Variants in CACNB2 observed in about 807,000 individuals in gnomAD.
CACNB2 encodes the protein calcium voltage-gated channel auxiliary subunit beta 2, also known as voltage-dependent L-type calcium channel subunit beta-2.
A neutral mutation model predicts 73.3 loss-of-function variants in CACNB2; 42 were observed. The ratio of observed to expected loss-of-function variants is 0.57; its 90% CI spans 0.45 to 0.74. The LOEUF is 0.74. Among genes scored for constraint, CACNB2 ranks in the 30% least tolerant of loss-of-function variants. The pLI, the probability that CACNB2 is intolerant of heterozygous loss-of-function variation, is 0.00. For synonymous variants in CACNB2, 348 were observed against 310.3 expected (o/e 1.12, Z -1.28); for missense variants, 940 against 853.0 (o/e 1.10, Z -1.27).
rs1192336227 is a variant in CACNB2 at position 18,168,590 on chromosome 10, C to T, written c.213+17615C>T. On this transcript the variant is annotated intron_variant, in intron 2 of 13. Transcript: ENST00000324631. ...TAAATTTTGAATATATGAAGCACCT[C>T]ACACTGCCACTTTTTTGTTCTCTGC... Among the ~76,000 whole-genome samples the T allele has an allele frequency of 4.6e-5, 7 of 151,974 alleles. No individual in the cohort carries two copies. The East Asian group carries it at 7.7e-4, about 17-fold the overall frequency.
chr10:18,449,985 C>A (rs531394351), intron 3 of CACNB2, among the ~76,000 whole-genome samples: 227 of 152,354 alleles, frequency 1.5e-3, no homozygotes, highest in Admixed American at 5.4e-3. Context: ...AGACCCGGGG[C>A]TGGCGGCATG....
chr10:18,522,125 G>A (rs1009382862), intron 9 of CACNB2, among the ~76,000 whole-genome samples: 2 of 151,950 alleles, frequency 1.3e-5, no homozygotes, highest in Non-Finnish European at 2.9e-5. Flanking sequence ...TAGGTTACAT[G>A]CTCCTTAGGA....
intron 2 of CACNB2, among the ~76,000 whole-genome samples, chr10:18,208,203 A>G (rs968674135): frequency 3.9e-5 from 6 of 152,174 alleles, no homozygotes; most frequent in Non-Finnish European, 8.8e-5. Context: ...ACAGTGGCTC[A>G]TGCCTGTAAC....
chr10:18,345,778 C>G (rs1273628584), intron 2 of CACNB2, among the ~76,000 whole-genome samples: 2 of 152,136 alleles, frequency 1.3e-5, no homozygotes, highest in Admixed American at 6.5e-5. Flanking sequence ...AATTAGAAAT[C>G]AACAGATAGA....
At chr10:18,502,262 C>T (rs903163749) in intron 5 of CACNB2, among the ~76,000 whole-genome samples, 1 of 151,556 alleles carries the variant, frequency 6.6e-6, no homozygotes, top group East Asian at 1.9e-4. Context: ...AGCCCAGATT[C>T]GTGCCACTGC....
chr10:18,240,038 A>G (rs1169951370), intron 2 of CACNB2, among the ~76,000 whole-genome samples: 1 of 152,168 alleles, frequency 6.6e-6, no homozygotes, highest in African/African-American at 2.4e-5. Flanking sequence ...GTAGCTTCAT[A>G]TTTAAAAACT....
intron 3 of CACNB2, among the ~76,000 whole-genome samples, chr10:18,470,964 G>A (rs1344687857): frequency 1.3e-5 from 2 of 152,152 alleles, no homozygotes; most frequent in Non-Finnish European, 2.9e-5. Flanking sequence ...TAATTTTATG[G>A]TAGATGCCAT....
At chr10:18,397,357 C>G (rs2043765168) in intron 2 of CACNB2, among the ~76,000 whole-genome samples, 1 of 152,090 alleles carries the variant, frequency 6.6e-6, no homozygotes. Flanking sequence ...TTCAGCTACT[C>G]TGGAGGCTGA....
At chr10:18,269,411 G>T (rs1334185781) in intron 2 of CACNB2, among the ~76,000 whole-genome samples, 1 of 152,066 alleles carries the variant, frequency 6.6e-6, no homozygotes, top group East Asian at 1.9e-4. Flanking sequence ...ATCTACATAT[G>T]ATATATTCAA....
At chr10:18,402,075 G>C in intron 3 of CACNB2, 32 bp downstream of exon 3, 6 of 1,610,920 alleles carry the variant, frequency 3.7e-6, no homozygotes, top group Non-Finnish European at 5.1e-6. Flanking sequence ...CAAGATCTTT[G>C]CAAGTTGTGC....
At chr10:18,376,668 T>A (rs1481816043) in intron 2 of CACNB2, among the ~76,000 whole-genome samples, 1 of 152,130 alleles carries the variant, frequency 6.6e-6, no homozygotes, top group Non-Finnish European at 1.5e-5. Context: ...GGAGAAGTTT[T>A]ATGGTGGGGT....
intron 2 of CACNB2, among the ~76,000 whole-genome samples, chr10:18,215,771 C>G (rs2035485872): frequency 6.6e-6 from 1 of 152,104 alleles, no homozygotes; most frequent in South Asian, 2.1e-4. Context: ...TTTTAGGAGG[C>G]TATAAATTTT....
intron 2 of CACNB2, among the ~76,000 whole-genome samples, chr10:18,287,088 G>A (rs1480500083): frequency 6.6e-6 from 1 of 152,126 alleles, no homozygotes; most frequent in African/African-American, 2.4e-5. Flanking sequence ...CAGCACTTTG[G>A]GAGGCTGAGG....
At chr10:18,219,802 C>G (rs1449237872) in intron 2 of CACNB2, among the ~76,000 whole-genome samples, 4 of 149,602 alleles carry the variant, frequency 2.7e-5, no homozygotes, top group Non-Finnish European at 4.4e-5. Flanking sequence ...CAGAGTCTCA[C>G]TCTGTCACCC....
chr10:18,191,768 T>C (rs2034408553), intron 2 of CACNB2, among the ~76,000 whole-genome samples: 1 of 152,222 alleles, frequency 6.6e-6, no homozygotes, highest in South Asian at 2.1e-4. Context: ...ATGCTGTTAA[T>C]TCATTCCTTT....
intron 2 of CACNB2, among the ~76,000 whole-genome samples, chr10:18,236,167 A>G (rs1224597628): frequency 1.3e-5 from 2 of 152,032 alleles, no homozygotes; most frequent in Non-Finnish European, 2.9e-5. Flanking sequence ...AGACTAATAA[A>G]CAGGACTTCT....
chr10:18,409,757 C>T (rs919855540), intron 3 of CACNB2, among the ~76,000 whole-genome samples: 1 of 152,078 alleles, frequency 6.6e-6, no homozygotes, highest in East Asian at 1.9e-4. Context: ...GGCCAATGCC[C>T]CAGAGAGGAC....
intron 3 of CACNB2, among the ~76,000 whole-genome samples, chr10:18,465,956 CA>C (rs1218868532): frequency 3.3e-5 from 5 of 152,188 alleles, no homozygotes; most frequent in African/African-American, 1.2e-4. Flanking sequence ...GCTGGGATTA[CA>C]GGCGTGGGCC....
chr10:18,189,753 A>G (rs1033548449), intron 2 of CACNB2, among the ~76,000 whole-genome samples: 3 of 152,178 alleles, frequency 2.0e-5, no homozygotes, highest in Admixed American at 6.5e-5. Flanking sequence ...AATACTTTTC[A>G]AGCTTTTGTT....
Sources: allele counts gnomAD v4.1 joint callset (sites outside exome capture counted in the v4.1 genomes callset), GRCh38; gene constraint gnomAD v4.1.1; transcripts MANE v1.5; gene names NCBI Gene and HGNC (gene_info 2026-07-23, HGNC 2026-07-21).